The following NAV2 variants were observed in gnomAD, a reference collection of about 807,000 sequenced individuals.
The protein encoded by NAV2 is neuron navigator 2.
In NAV2, 54 loss-of-function variants were observed where a neutral mutation model predicts 223.2. The observed-to-expected ratio is 0.24, with a 90% CI of 0.19 to 0.30. The LOEUF (loss-of-function observed/expected upper bound fraction) is 0.30. Ranked by LOEUF, NAV2 falls within the 10% of genes least tolerant of loss-of-function variation. NAV2 has a pLI of 1.00. For synonymous variants in NAV2, 1,279 were observed against 1,239.3 expected (o/e 1.03, Z -0.67); for missense variants, 2,806 against 3,147.5 (o/e 0.89, Z 2.60).
In NAV2 at chr11:20,092,306, C is replaced by T. The variant is rs746392395; in HGVS notation, c.5753C>T (p.Ser1918Phe). 2 of 1,614,156 alleles carry T rather than the reference C, an allele frequency of 1.2e-6. No individual in the cohort carries two copies. Among genetic ancestry groups the T allele is most frequent in the East Asian group, 4.5e-5 (2 of 44,868 alleles). Residue 1918 changes from serine (S) to phenylalanine (F), a missense_variant, in exon 28 of 38, where the codon TCC (serine) becomes TTC (phenylalanine). Around this residue, in one of 4 missense-constraint regions of NAV2, gnomAD observed 824 missense variants for 1,069.4 expected, o/e 0.77. Transcript: ENST00000349880. ...RAPSQVSISA[S>F]PRQSMGLSQH... ...CCTTCCCAAGTGTCCATCTCTGCCT[C>T]CCCGAGGCAGTCCATGGGCCTCTCC...
intron 7 of NAV2, among the ~76,000 whole-genome samples, chr11:19,936,318 G>C (rs1156707092): frequency 2.0e-5 from 3 of 152,136 alleles, no homozygotes; most frequent in Non-Finnish European, 4.4e-5. Context: ...GACAGTCTTT[G>C]ATCACCATCA....
chr11:20,100,469 A>G (rs1300808390), intron 31 of NAV2, among the ~76,000 whole-genome samples: 2 of 152,002 alleles, frequency 1.3e-5, no homozygotes, highest in Non-Finnish European at 2.9e-5. Flanking sequence ...AGCAGGGTGA[A>G]GAGGCAACCT....
chr11:19,765,378 T>TTTCCTTCCTTCC (rs145700371), intron 1 of NAV2, among the ~76,000 whole-genome samples: 31,069 of 144,014 alleles, frequency 0.22, 4,493 homozygotes, highest in African/African-American at 0.41. Flanking sequence ...TCTTCCCTTC[T>TTTCCTTCCTTCC]TTCCTTCCTT....
chr11:20,087,194 C>A (rs1228744414), intron 26 of NAV2, among the ~76,000 whole-genome samples: 1 of 152,016 alleles, frequency 6.6e-6, no homozygotes, highest in East Asian at 1.9e-4. Flanking sequence ...TGCTGGGCGG[C>A]CAAGTAAGAT....
chr11:19,910,960 T>A (rs1340472360), intron 6 of NAV2, among the ~76,000 whole-genome samples: 2 of 152,022 alleles, frequency 1.3e-5, no homozygotes, highest in Non-Finnish European at 2.9e-5. Flanking sequence ...TCCCCCAAAA[T>A]GCCCTTAAGT....
intron 6 of NAV2, among the ~76,000 whole-genome samples, chr11:19,927,108 T>G (rs992340416): frequency 3.3e-5 from 5 of 152,238 alleles, no homozygotes; most frequent in African/African-American, 7.2e-5. Context: ...GGATTAATAC[T>G]CTCTCTAAAC....
At position 19,713,847 on chromosome 11, in the gene NAV2, C is replaced by T. The variant is rs777730014; in HGVS notation, c.152C>T (p.Thr51Ile). 2.3e-5 allele frequency: 37 copies of T among 1,613,496 alleles called. No individual in the cohort carries two copies. The highest frequency in any genetic ancestry group is 3.3e-5 in the Admixed American group (2 of 60,008). Residue 51 changes from threonine to isoleucine, a missense_variant, in exon 1 of 38, where the codon ACC becomes ATC. Coordinates refer to ENST00000349880, the MANE Select transcript of NAV2 (RefSeq NM_145117.5). The surrounding 1 kb of genome is among the most constrained non-coding windows in gnomAD (Gnocchi z 7.2). ...AGCAAGGTGGAGGTGAGCAAGACCA[C>T]CTATCCTAGCCAGATCCCCCTGAAA... ...LGSKVEVSKT[T>I]YPSQIPLKSQ...
Position 19,948,869 on chromosome 11 carries a change from A to G in NAV2, c.2434A>G (p.Arg812Gly). Residue 812 changes from arginine (R) to glycine (G), a missense_variant, in exon 10 of 38, where the codon AGG (arginine) becomes GGG (glycine). Arg to Gly is a moderately radical substitution (Grantham distance 125, BLOSUM62 -2). This residue lies in a region of NAV2 where 1,167 missense variants were observed against 1,180.5 expected (regional missense o/e 0.99). Coordinates refer to ENST00000349880, the MANE Select transcript of NAV2 (RefSeq NM_145117.5). ...GTATCCCCCTCGAGCCAACGCCAGC[A>G]GGTTCATCAACACTGAGTCAGGTCG... ...NGYPPRANAS[R>G]FINTESGRYV... The G allele has an allele frequency of 6.2e-7, 1 of 1,614,086 alleles. No individual in the cohort carries two copies. Among genetic ancestry groups the G allele is most frequent in the Non-Finnish European group, 8.5e-7 (1 of 1,180,016 alleles).
chr11:20,082,578 G>A (rs534462168), intron 25 of NAV2: 24 of 1,613,212 alleles, frequency 1.5e-5, no homozygotes, highest in South Asian at 9.9e-5. Flanking sequence ...TTTTGCTTGC[G>A]TTTTCTCTGG....
chr11:19,460,959 G>T (rs1163648047), intron 1 of NAV2, among the ~76,000 whole-genome samples: 1 of 152,084 alleles, frequency 6.6e-6, no homozygotes, highest in Non-Finnish European at 1.5e-5. Context: ...GCATGCTTCT[G>T]GTGGGATTCA....
At chr11:19,734,200 C>T (rs1196045762) in intron 1 of NAV2, among the ~76,000 whole-genome samples, 1 of 152,138 alleles carries the variant, frequency 6.6e-6, no homozygotes, top group African/African-American at 2.4e-5. Flanking sequence ...TTTATAGGAG[C>T]CAACTTCCTG....
intron 22 of NAV2, among the ~76,000 whole-genome samples, chr11:20,071,176 T>C (rs2059387019): frequency 2.1e-5 from 3 of 144,888 alleles, no homozygotes; most frequent in Non-Finnish European, 4.5e-5. Context: ...TGTGTTCTCA[T>C]TGTTCAACTC....
chr11:19,722,064 T>G (rs1016749671), intron 1 of NAV2, among the ~76,000 whole-genome samples: 8 of 152,194 alleles, frequency 5.3e-5, no homozygotes, highest in African/African-American at 1.9e-4. Flanking sequence ...AGAACATAAA[T>G]GAAATAGGAG....
At chr11:19,578,758 G>A (rs1233589807) in intron 1 of NAV2, among the ~76,000 whole-genome samples, 3 of 152,206 alleles carry the variant, frequency 2.0e-5, no homozygotes, top group East Asian at 3.8e-4. Context: ...CATTATCTAT[G>A]GTTGTTTTTT....
intron 1 of NAV2, among the ~76,000 whole-genome samples, chr11:19,741,687 GTATATATATATATATATATA>G (rs1156844957): frequency 0.019 from 408 of 21,068 alleles, 5 homozygotes; most frequent in African/African-American, 0.034. Flanking sequence ...GTGTGTGTGT[GTATATATATATATATATATA>G]TATATATATA....
At chr11:19,660,803 G>A (rs374591740) in intron 1 of NAV2, among the ~76,000 whole-genome samples, 12 of 151,984 alleles carry the variant, frequency 7.9e-5, no homozygotes, top group African/African-American at 2.7e-4. Context: ...GCCCCCAGTC[G>A]AGAATGGAGA....
intron 1 of NAV2, among the ~76,000 whole-genome samples, chr11:19,694,111 C>T (rs755167589): frequency 7.2e-5 from 11 of 152,050 alleles, no homozygotes; most frequent in South Asian, 2.1e-4. Context: ...CAGAGGCAGA[C>T]GCTAAGATGA....
At chr11:19,936,160 C>T (rs897721878) in intron 7 of NAV2, among the ~76,000 whole-genome samples, 3 of 151,862 alleles carry the variant, frequency 2.0e-5, no homozygotes, top group African/African-American at 7.3e-5. Flanking sequence ...TGAGCCACCG[C>T]GCCCAGCCAT....
At chr11:19,878,580 T>C (rs1305030551) in intron 4 of NAV2, among the ~76,000 whole-genome samples, 5 of 152,210 alleles carry the variant, frequency 3.3e-5, no homozygotes, top group Non-Finnish European at 7.3e-5. Context: ...GATCAGAATC[T>C]GCTAGCTCCC....
Sources: gnomAD v4.1 joint callset for allele counts (sites outside exome capture counted in the v4.1 genomes callset) on GRCh38, gnomAD v4.1.1 for gene constraint, gnomAD v4.1.1 regional missense constraint, Gnocchi (gnomAD v3.1) non-coding constraint, MANE v1.5 for transcripts, NCBI Gene and HGNC (gene_info 2026-07-23, HGNC 2026-07-21) for gene names.